The following ZNF385D variants were observed in gnomAD, a reference collection of about 807,000 sequenced individuals.
ZNF385D encodes zinc finger protein 385D, also known as zinc finger protein 659.
In ZNF385D, 15 loss-of-function variants were observed where a neutral mutation model predicts 35.8. That is an observed-to-expected ratio of 0.42 (90% confidence interval 0.28 to 0.64). The LOEUF (loss-of-function observed/expected upper bound fraction) is 0.64, where lower values mean the gene tolerates loss of function less well. Ranked by LOEUF, ZNF385D falls within the 30% of genes least tolerant of loss-of-function variation. ZNF385D has a pLI of 0.23. For missense variants in ZNF385D, 474 were observed against 494.6 expected (o/e 0.96, Z 0.39); for synonymous variants, 212 against 186.8 (o/e 1.13, Z -1.10).
intron 3 of ZNF385D, among the ~76,000 whole-genome samples, chr3:21,822,773 T>C (rs541884681): frequency 6.6e-6 from 1 of 151,964 alleles, no homozygotes; most frequent in African/African-American, 2.4e-5. Flanking sequence ...ATGATATTCA[T>C]CAACATAAAT....
At chr3:21,810,992 G>GTATATA (rs779407118) in intron 3 of ZNF385D, among the ~76,000 whole-genome samples, 7,607 of 114,186 alleles carry the variant, frequency 0.067, 250 homozygotes, top group Middle Eastern at 0.1. Context: ...GTGTGTGTGT[G>GTATATA]TGTGTGTATA....
Position 21,664,877 on chromosome 3 carries a change from G to A in ZNF385D, c.165+9C>T, listed in dbSNP as rs3821396. 0.11 allele frequency: 182,871 copies of A among 1,613,202 alleles called. 11,660 individuals are homozygous for A. The highest frequency in any genetic ancestry group is 0.18 in the East Asian group (8,286 of 44,830). ...CACTCAGGCAAAGACAAATTTGGCA[G>A]GTACTTACCGCATTGAAATTGGGGA... On this transcript the variant is annotated intron_variant, in intron 2 of 7. Coordinates refer to ENST00000281523, the MANE Select transcript of ZNF385D (RefSeq NM_024697.3).
chr3:21,800,605 A>AT (rs1227694378), intron 3 of ZNF385D, among the ~76,000 whole-genome samples: 1 of 152,214 alleles, frequency 6.6e-6, no homozygotes, highest in East Asian at 1.9e-4. Context: ...AGACCTTGCT[A>AT]TTTTTTATTT....
chr3:21,415,926 G>A lies in ZNF385D; in HGVS notation c.*5288C>T, dbSNP rs1700556050. ...GAAAGAGAAGACCCTCAAATTGAAG[G>A]TAATGTTCAGTCCCTTGACATCTGA... is the stretch of plus-strand genomic sequence containing the variant. On this transcript the variant is annotated 3_prime_UTR_variant, in exon 8 of 8. Coordinates refer to ENST00000281523, the MANE Select transcript of ZNF385D (RefSeq NM_024697.3). 1 of 151,978 alleles carries A rather than the reference G, an allele frequency of 6.6e-6. No homozygotes were observed. Among genetic ancestry groups the A allele is most frequent in the African/African-American group, 2.4e-5 (1 of 41,400 alleles). 9.4% of individuals were successfully genotyped at this position (151,978 alleles called of 1,614,324 possible).
chr3:21,908,767 T>A (rs927490660), intron 3 of ZNF385D, among the ~76,000 whole-genome samples: 2 of 152,082 alleles, frequency 1.3e-5, no homozygotes, highest in Non-Finnish European at 2.9e-5. Context: ...TTCTTAACAT[T>A]TTGAGGAATA....
At chr3:21,577,027 C>T (rs1036427104) in intron 2 of ZNF385D, among the ~76,000 whole-genome samples, 15 of 152,114 alleles carry the variant, frequency 9.9e-5, no homozygotes, top group Non-Finnish European at 2.2e-4. Context: ...AATGTCTTCT[C>T]ATTTAGCTAT....
At chr3:21,799,192 C>T (rs971949450) in intron 3 of ZNF385D, among the ~76,000 whole-genome samples, 1 of 152,150 alleles carries the variant, frequency 6.6e-6, no homozygotes, top group Admixed American at 6.5e-5. Context: ...ATTTATTTAC[C>T]TATTAAGCAG....
At chr3:22,196,860 C>T (rs1696456498) in intron 2 of ZNF385D, among the ~76,000 whole-genome samples, 1 of 152,012 alleles carries the variant, frequency 6.6e-6, no homozygotes, top group African/African-American at 2.4e-5. Context: ...TTCCCTCACT[C>T]TAGAGATTGT....
At chr3:21,779,654 C>G (rs1329747406) in intron 3 of ZNF385D, among the ~76,000 whole-genome samples, 1 of 151,896 alleles carries the variant, frequency 6.6e-6, no homozygotes, top group Non-Finnish European at 1.5e-5. Flanking sequence ...ATTTACTGAG[C>G]GCCTTCTCAA....
chr3:21,911,610 T>G (rs1417764241), intron 3 of ZNF385D, among the ~76,000 whole-genome samples: 1 of 152,010 alleles, frequency 6.6e-6, no homozygotes, highest in Non-Finnish European at 1.5e-5. Flanking sequence ...TTGGAAATCC[T>G]CAGTTCATTT....
chr3:22,043,140 A>G (rs918947200), intron 3 of ZNF385D, among the ~76,000 whole-genome samples: 1 of 152,320 alleles, frequency 6.6e-6, no homozygotes, highest in East Asian at 1.9e-4. Flanking sequence ...AACAAGGCAG[A>G]AAGTCCTTTG....
At chr3:21,576,931 T>G (rs2063513312) in intron 2 of ZNF385D, among the ~76,000 whole-genome samples, 1 of 152,202 alleles carries the variant, frequency 6.6e-6, no homozygotes, top group African/African-American at 2.4e-5. Flanking sequence ...TTTTGATACC[T>G]TTATACGATG....
chr3:21,751,467 C>A, upstream of ZNF385D: 1 of 985,950 alleles, frequency 1.0e-6, no homozygotes, highest in Non-Finnish European at 1.2e-6. Flanking sequence ...CGAGTTCTGC[C>A]ATTAACGTGT....
At chr3:21,674,964 G>T (rs1575440066) in intron 1 of ZNF385D, among the ~76,000 whole-genome samples, 1 of 151,886 alleles carries the variant, frequency 6.6e-6, no homozygotes, top group Admixed American at 6.6e-5. Context: ...AAATGAGTGA[G>T]CAAACAAATG....
At chr3:21,726,789 A>T (rs1200117944) in intron 1 of ZNF385D, among the ~76,000 whole-genome samples, 3 of 152,194 alleles carry the variant, frequency 2.0e-5, no homozygotes, top group African/African-American at 7.2e-5. Context: ...TCAAGCTACC[A>T]TTGACTTTCT....
intron 2 of ZNF385D, among the ~76,000 whole-genome samples, chr3:22,193,831 T>G (rs1044758729): frequency 6.6e-6 from 1 of 152,054 alleles, no homozygotes; most frequent in South Asian, 2.1e-4. Context: ...ATTAGCAACT[T>G]AAGTTTTTCA....
chr3:21,602,856 A>G (rs1041010251), intron 2 of ZNF385D, among the ~76,000 whole-genome samples: 1 of 151,980 alleles, frequency 6.6e-6, no homozygotes, highest in Non-Finnish European at 1.5e-5. Context: ...TAAAGTACAA[A>G]CAGAACTCGG....
chr3:21,599,296 T>G (rs904336793), intron 2 of ZNF385D, among the ~76,000 whole-genome samples: 1 of 152,196 alleles, frequency 6.6e-6, no homozygotes, highest in Non-Finnish European at 1.5e-5. Context: ...ATCATAGTGT[T>G]TGTTTGGCAA....
rs2062128331 is a variant in ZNF385D at position 21,539,807 on chromosome 3, G to A, written c.276+24767C>T. On this transcript the variant is annotated intron_variant, in intron 3 of 7. Transcript: ENST00000281523. This position sits in a 1 kb window ranked among gnomAD's most constrained non-coding sequence, Gnocchi z 4.0. ...TAATGCTACGGTCTTAAGAAATATG[G>A]GTTGGCTTGGAGAAATAAGAAATAT... 6.6e-6 allele frequency among the ~76,000 whole-genome samples: 1 copy of A among 151,908 alleles called. No homozygotes were observed. Among genetic ancestry groups the A allele is most frequent in the South Asian group, 2.1e-4 (1 of 4,828 alleles).
Sources: allele counts gnomAD v4.1 joint callset (sites outside exome capture counted in the v4.1 genomes callset), GRCh38; gene constraint gnomAD v4.1.1; non-coding constraint Gnocchi (gnomAD v3.1); transcripts MANE v1.5; gene names NCBI Gene and HGNC (gene_info 2026-07-23, HGNC 2026-07-21).